Variants in DOCK8 observed in about 807,000 individuals in gnomAD.
DOCK8 encodes dedicator of cytokinesis protein 8.
A neutral mutation model predicts 245.6 loss-of-function variants in DOCK8; 141 were observed. The observed-to-expected ratio is 0.57, with a 90% CI of 0.50 to 0.66. The LOEUF (loss-of-function observed/expected upper bound fraction) is 0.66. Ranked by LOEUF, DOCK8 falls within the 30% of genes least tolerant of loss-of-function variation. The pLI is 0.00. For missense variants in DOCK8, 2,965 were observed against 2,603.4 expected, an observed-to-expected ratio of 1.14 and a Z score of -3.02; for synonymous variants, 1,168 against 970.2, an observed-to-expected ratio of 1.20 and a Z score of -3.79.
At chr9:246,696 T>A (rs1354030445) in intron 1 of DOCK8, among the ~76,000 whole-genome samples, 5 of 152,194 alleles carry the variant, frequency 3.3e-5, no homozygotes, top group African/African-American at 1.2e-4. Context: ...ATTTTCTTAG[T>A]GGTCTTGTTG....
At chr9:257,080 T>C (rs979949176) in intron 1 of DOCK8, among the ~76,000 whole-genome samples, 1 of 152,220 alleles carries the variant, frequency 6.6e-6, no homozygotes, top group African/African-American at 2.4e-5. Flanking sequence ...AATAGCTTCA[T>C]AACTTTGGAA....
chr9:320,017 G>A (rs2050517281), intron 7 of DOCK8, among the ~76,000 whole-genome samples: 1 of 152,212 alleles, frequency 6.6e-6, no homozygotes, highest in Non-Finnish European at 1.5e-5. Flanking sequence ...TAGGTCTCAG[G>A]TGGGATCAAG....
At chr9:251,959 G>A (rs1190404363) in intron 1 of DOCK8, among the ~76,000 whole-genome samples, 1 of 148,434 alleles carries the variant, frequency 6.7e-6, no homozygotes, top group East Asian at 2.0e-4. Context: ...AGAAGCGAGA[G>A]CAATTGTGTT....
chr9:406,871 C>T, intron 27 of DOCK8, 59 bp from the exon 28 acceptor site: 2 of 1,611,214 alleles, frequency 1.2e-6, no homozygotes, highest in African/African-American at 1.3e-5. Flanking sequence ...AAACACTGGC[C>T]ATCGCTATTT....
At chr9:254,870 A>G (rs1184387564) in intron 1 of DOCK8, among the ~76,000 whole-genome samples, 2 of 152,200 alleles carry the variant, frequency 1.3e-5, no homozygotes, top group African/African-American at 4.8e-5. Flanking sequence ...CCTTGGCGTT[A>G]TTATAATGCA....
chr9:404,559 A>G (rs2055325124), intron 26 of DOCK8, among the ~76,000 whole-genome samples: 2 of 152,160 alleles, frequency 1.3e-5, no homozygotes, highest in African/African-American at 4.8e-5. Context: ...AACTCCTTTC[A>G]TTTAGTTTCT....
In DOCK8 at chr9:429,735, C is replaced by G; in HGVS notation, c.4507C>G (p.Gln1503Glu). The G allele has an allele frequency of 6.2e-7, 1 of 1,614,160 alleles. No homozygotes were observed. The highest frequency in any genetic ancestry group is 8.5e-7 in the Non-Finnish European group (1 of 1,180,034). ...CTTACTCTTTGAAGAGGAGGTGGAA[C>G]AGTGTTTCGACCTATGTCACCAAGT... ...GDLLFEEEVE[Q>E]CFDLCHQVLH... Residue 1503 changes from glutamine (Q) to glutamate (E), a missense_variant, in exon 36 of 48, where the codon CAG (glutamine) becomes GAG (glutamate). This residue lies in a region of DOCK8 where 2,825 missense variants were observed against 2,453.5 expected (regional missense o/e 1.15). Coordinates refer to ENST00000432829, the MANE Select transcript of DOCK8 (RefSeq NM_203447.4).
chr9:399,163 A>G lies in DOCK8; in HGVS notation c.3138A>G (p.Glu1046=). 4 of 1,613,682 alleles carry G rather than the reference A, an allele frequency of 2.5e-6. No homozygotes were observed. The South Asian group carries it at 3.3e-5, about 13-fold the overall frequency. ...TTTTTAAGGAAAATGAACAGGCGGA[A>G]AAGATGAACATCAGCCTGGCTTTCT... ...VKPQKENEQA[E]KMNISLAFFL... The change falls in exon 26 of 48, where the codon GAA becomes GAG. Residue 1046 remains glutamate (E), a synonymous_variant. Coordinates refer to ENST00000432829, the MANE Select transcript of DOCK8 (RefSeq NM_203447.4).
At chr9:397,125 C>T (rs2054498802) in intron 25 of DOCK8, among the ~76,000 whole-genome samples, 191 bp downstream of exon 25, 1 of 152,078 alleles carries the variant, frequency 6.6e-6, no homozygotes, top group Non-Finnish European at 1.5e-5. Context: ...AAATTACACA[C>T]ATGAGGCCAG....
intron 1 of DOCK8, among the ~76,000 whole-genome samples, chr9:221,394 G>A (rs72701209): frequency 4.6e-5 from 7 of 152,216 alleles, no homozygotes; most frequent in Admixed American, 2.0e-4. Flanking sequence ...GTAGATAGTT[G>A]CATCTGTACT....
At chr9:406,121 A>T (rs2055405063) in intron 27 of DOCK8, among the ~76,000 whole-genome samples, 1 of 152,206 alleles carries the variant, frequency 6.6e-6, no homozygotes, top group Non-Finnish European at 1.5e-5. Context: ...AGGACCGGTA[A>T]ATCTAATACT....
intron 1 of DOCK8, among the ~76,000 whole-genome samples, chr9:237,576 G>A (rs1252933747): frequency 1.3e-5 from 2 of 152,186 alleles, no homozygotes; most frequent in Non-Finnish European, 2.9e-5. Flanking sequence ...GATCAATTGA[G>A]CCTGGGAGGT....
chr9:371,016 C>T (rs1435412533), intron 16 of DOCK8, among the ~76,000 whole-genome samples: 1 of 152,108 alleles, frequency 6.6e-6, no homozygotes, highest in Admixed American at 6.6e-5. Context: ...CCTTTTTCCT[C>T]CTGCCTCATT....
chr9:286,867 C>G lies in DOCK8; in HGVS notation c.332+231C>G, dbSNP rs189654960. 1.8e-3 allele frequency among the ~76,000 whole-genome samples: 270 copies of G among 152,244 alleles called. 2 individuals carry two copies. The highest frequency in any genetic ancestry group is 3.2e-3 in the Non-Finnish European group (219 of 67,986). On this transcript the variant is annotated intron_variant, in intron 3 of 47. Transcript: ENST00000432829. ...GAAGACTAAGCCAGTGCAAGGGATG[C>G]AGGAGGACCAAATGAAATGCTCAAG... is the stretch of plus-strand genomic sequence containing the variant.
At chr9:417,061 A>G (rs2056053336) in intron 29 of DOCK8, among the ~76,000 whole-genome samples, 1 of 152,176 alleles carries the variant, frequency 6.6e-6, no homozygotes, top group Admixed American at 6.5e-5. Flanking sequence ...TTGGGAGGCC[A>G]AGGTGGACAG....
At chr9:271,489 GA>G in intron 1 of DOCK8, 137 bp from the exon 2 acceptor site, 2 of 677,912 alleles carry the variant, frequency 3.0e-6, no homozygotes, top group South Asian at 1.8e-5. Context: ...ACAGGCCACT[GA>G]AAAGGTATCT....
intron 29 of DOCK8, 130 bp from the exon 30 acceptor site, chr9:417,938 A>G: frequency 8.8e-7 from 1 of 1,134,082 alleles, no homozygotes; most frequent in Non-Finnish European, 1.3e-6. Flanking sequence ...GCAGATACAT[A>G]ATGCTAAACA....
chr9:348,376 C>T (rs530496464), intron 14 of DOCK8, among the ~76,000 whole-genome samples: 2 of 152,192 alleles, frequency 1.3e-5, no homozygotes, highest in Non-Finnish European at 2.9e-5. Flanking sequence ...CCGTTCACAA[C>T]TCCATACCAC....
chr9:426,830 G>T, intron 33 of DOCK8, 55 bp from the exon 34 acceptor site: 1 of 1,436,996 alleles, frequency 7.0e-7, no homozygotes. Context: ...TTGCCATCAT[G>T]GGAACCTGGC....
Sources: allele counts gnomAD v4.1 joint callset (sites outside exome capture counted in the v4.1 genomes callset), GRCh38; gene constraint gnomAD v4.1.1; regional missense constraint gnomAD v4.1.1; transcripts MANE v1.5; gene names NCBI Gene and HGNC (gene_info 2026-07-23, HGNC 2026-07-21).